The following SRBD1 variants were observed in gnomAD, a reference collection of about 807,000 sequenced individuals.
SRBD1 encodes S1 RNA-binding domain-containing protein 1.
Under a neutral mutation model 115.3 loss-of-function variants are expected in SRBD1, and 88 were observed. That is an observed-to-expected ratio of 0.76 (90% CI 0.64 to 0.91). The LOEUF (loss-of-function observed/expected upper bound fraction) is 0.91. SRBD1 is among the 40% of genes least tolerant of loss of function. SRBD1 has a pLI of 0.00. For missense variants in SRBD1, 1,385 were observed against 1,177.4 expected, an observed-to-expected ratio of 1.18 and a Z score of -2.58; for synonymous variants, 509 against 407.7, an observed-to-expected ratio of 1.25 and a Z score of -2.99.
rs1260263385 is a variant in SRBD1, at chr2:45,392,957, C to A, written c.2686G>T (p.Asp896Tyr). 1 of 1,604,248 alleles carries A rather than the reference C, an allele frequency of 6.2e-7. No homozygotes were observed. Among genetic ancestry groups the A allele is most frequent in the Non-Finnish European group, 8.5e-7 (1 of 1,175,126 alleles). The change falls in exon 20 of 21, where the codon GAC (aspartate) becomes TAC (tyrosine). Residue 896 changes from aspartate to tyrosine, a missense_variant. Transcript: ENST00000263736. Reference protein sequence around the residue: ...IDGLSQPESFDFRTDFDKPDF... With the variant: ...IDGLSQPESFYFRTDFDKPDF... ...TTCAACTGTTTACCTGTTCGAAAGTCAAAGCTTTCAGGCTGGCTGAGACCA... is the reference window on the plus strand; with the variant it reads ...TTCAACTGTTTACCTGTTCGAAAGTAAAAGCTTTCAGGCTGGCTGAGACCA...
chr2:45,501,256 T>G (rs2103893769), intron 14 of SRBD1, among the ~76,000 whole-genome samples: 1 of 152,328 alleles, frequency 6.6e-6, no homozygotes, highest in South Asian at 2.1e-4. Flanking sequence ...AACTTTTAAT[T>G]TTAAAAAAAT....
At chr2:45,588,374 C>G (rs774963124) in intron 4 of SRBD1, among the ~76,000 whole-genome samples, 3 of 152,304 alleles carry the variant, frequency 2.0e-5, no homozygotes, top group African/African-American at 4.8e-5. Context: ...TCTTAAGAGG[C>G]CTTCATGAGG....
intron 16 of SRBD1, among the ~76,000 whole-genome samples, chr2:45,427,725 G>A (rs1052251670): frequency 3.9e-5 from 6 of 152,074 alleles, no homozygotes; most frequent in African/African-American, 1.4e-4. Flanking sequence ...ATAAAATACT[G>A]GCAAACCGAT....
At chr2:45,553,790 G>C in intron 10 of SRBD1, 60 bp from the exon 11 acceptor site, 2 of 1,135,410 alleles carry the variant, frequency 1.8e-6, no homozygotes, top group East Asian at 5.2e-5. Flanking sequence ...CCATAAAAAG[G>C]CTCCCAAAAA....
At chr2:45,505,551 GA>G (rs1453072907) in intron 14 of SRBD1, among the ~76,000 whole-genome samples, 2 of 152,176 alleles carry the variant, frequency 1.3e-5, no homozygotes, top group Non-Finnish European at 2.9e-5. Flanking sequence ...ATGCAGAGAA[GA>G]AAATGGCCAC....
chr2:45,455,870 C>T (rs2103757302), intron 16 of SRBD1, among the ~76,000 whole-genome samples: 1 of 151,986 alleles, frequency 6.6e-6, no homozygotes, highest in African/African-American at 2.4e-5. Flanking sequence ...TAACCCTGTG[C>T]ATTTTTGAAA....
intron 15 of SRBD1, among the ~76,000 whole-genome samples, chr2:45,485,942 G>C (rs769015674): frequency 2.6e-5 from 4 of 152,142 alleles, no homozygotes; most frequent in Non-Finnish European, 5.9e-5. Context: ...AAGACTCAAA[G>C]TTTCTAGGTA....
chr2:45,389,893 G>C lies in SRBD1; in HGVS notation c.2699-294C>G, dbSNP rs79008305. Among the ~76,000 whole-genome samples the C allele has an allele frequency of 6.9e-3, 1,046 of 152,242 alleles. 14 individuals carry two copies. The highest frequency in any genetic ancestry group is 0.024 in the African/African-American group (996 of 41,544). ...AGTCTTATTTTCCTCTTTGTGAAGA[G>C]GTGATGAGAATATATATTTGCTTAA... On this transcript the variant is annotated intron_variant, in intron 20 of 20. Transcript: ENST00000263736.
intron 14 of SRBD1, among the ~76,000 whole-genome samples, chr2:45,503,326 T>C (rs1205988394): frequency 3.3e-5 from 5 of 152,164 alleles, no homozygotes; most frequent in African/African-American, 1.2e-4. Context: ...GGATGGAGTG[T>C]TCATACTAAA....
At chr2:45,573,154 A>G in intron 9 of SRBD1, 53 bp downstream of exon 9, 2 of 1,507,640 alleles carry the variant, frequency 1.3e-6, no homozygotes, top group Non-Finnish European at 1.8e-6. Flanking sequence ...AGGCAAATCC[A>G]AAATATTATC....
chr2:45,504,401 T>A (rs1414473989), intron 14 of SRBD1, among the ~76,000 whole-genome samples: 1 of 152,096 alleles, frequency 6.6e-6, no homozygotes, highest in Non-Finnish European at 1.5e-5. Flanking sequence ...TTCAAAAAGA[T>A]TAGAGTCATT....
chr2:45,587,921 G>A (rs932222735), intron 4 of SRBD1, among the ~76,000 whole-genome samples: 3 of 152,032 alleles, frequency 2.0e-5, no homozygotes, highest in African/African-American at 7.2e-5. Context: ...CCCATATTAT[G>A]CTATTCAAAT....
intron 14 of SRBD1, among the ~76,000 whole-genome samples, chr2:45,527,045 T>C (rs1671465141): frequency 6.6e-6 from 1 of 151,942 alleles, no homozygotes; most frequent in Non-Finnish European, 1.5e-5. Context: ...AGAAATGTTT[T>C]TTAAAATGTA....
chr2:45,594,923 T>C (rs1390573073), intron 4 of SRBD1, among the ~76,000 whole-genome samples: 1 of 152,246 alleles, frequency 6.6e-6, no homozygotes, highest in Non-Finnish European at 1.5e-5. Flanking sequence ...AAGACTGAAG[T>C]AACTTCATTT....
chr2:45,562,808 A>C (rs750677422), intron 9 of SRBD1, 52 bp from the exon 10 acceptor site: 146 of 1,237,300 alleles, frequency 1.2e-4, no homozygotes, highest in Admixed American at 3.5e-4. Flanking sequence ...ATATGAAACA[A>C]ATCAGGCGAC....
Position 45,581,847 on chromosome 2 carries a change from A to G in SRBD1, c.816-37T>C, listed in dbSNP as rs370668180. 21 of 1,512,918 alleles carry G rather than the reference A, an allele frequency of 1.4e-5. No homozygotes were observed. The African/African-American group carries it at 2.6e-4, about 19-fold the overall frequency. 93.7% of individuals were successfully genotyped at this position (1,512,918 alleles called of 1,614,324 possible). On this transcript the variant is annotated intron_variant, in intron 5 of 20. Transcript: ENST00000263736. The stretch of plus-strand genomic sequence containing the variant: ...AACTTTTGTAATATACCAAAACTGT[A>G]TGTCAAAACTTTCTTTTCAAAGCTA...
At chr2:45,605,885 C>T (rs553193485) in intron 1 of SRBD1, among the ~76,000 whole-genome samples, 21 of 123,718 alleles carry the variant, frequency 1.7e-4, no homozygotes, top group Admixed American at 5.8e-4. Flanking sequence ...GCCTGGGCAA[C>T]AGAGTGAGAC....
At chr2:45,596,988 T>TCACACACACACACACA in intron 4 of SRBD1, among the ~76,000 whole-genome samples, 2 of 140,882 alleles carry the variant, frequency 1.4e-5, no homozygotes. Flanking sequence ...CCCACAACCC[T>TCACACACACACACACA]CACACACACA....
chr2:45,482,160 C>T (rs557689917), intron 15 of SRBD1, among the ~76,000 whole-genome samples: 24 of 152,032 alleles, frequency 1.6e-4, no homozygotes, highest in African/African-American at 5.8e-4. Context: ...GTAGTATGTC[C>T]AAATGTATGC....
Sources: gnomAD v4.1 joint callset for allele counts (sites outside exome capture counted in the v4.1 genomes callset) on GRCh38, gnomAD v4.1.1 for gene constraint, MANE v1.5 for transcripts, NCBI Gene and HGNC (gene_info 2026-07-23, HGNC 2026-07-21) for gene names.